Variants in PUDP observed in about 807,000 individuals in gnomAD.
The protein encoded by PUDP is pseudouridine-5'-phosphatase.
PUDP carries 8 observed loss-of-function variants against 9.4 expected under a neutral mutation model. That is an observed-to-expected ratio of 0.85 (90% CI 0.50 to 1.53). The LOEUF (loss-of-function observed/expected upper bound fraction) is 1.53. Among genes scored for constraint, PUDP ranks in the 40% most tolerant of loss-of-function variants. PUDP has a pLI of 0.00. For missense variants in PUDP, 188 were observed against 189.7 expected (o/e 0.99, Z 0.05); for synonymous variants, 99 against 80.7 (o/e 1.23, Z -1.22).
chrX:6,958,512 G>A (rs374215716), intron 3 of PUDP, among the ~76,000 whole-genome samples: 1 of 111,404 alleles, frequency 9.0e-6, no homozygotes, highest in East Asian at 2.8e-4. Flanking sequence ...GGGGAGGAAA[G>A]TCTTTGAAGA....
At chrX:7,083,734 C>T (rs1004381371) in intron 2 of PUDP, among the ~76,000 whole-genome samples, 5 of 110,304 alleles carry the variant, frequency 4.5e-5, no homozygotes, top group African/African-American at 1.7e-4. Context: ...AATCCCATCT[C>T]TACTAAAAAC....
At chrX:6,720,121 CAT>C (rs752455856) in intron 1 of PUDP, among the ~76,000 whole-genome samples, 16 of 98,877 alleles carry the variant, frequency 1.6e-4, no homozygotes, top group South Asian at 4.6e-4. Context: ...TACATTTATT[CAT>C]ATATATATAT....
chrX:6,888,794 G>A (rs752041908), intron 3 of PUDP, among the ~76,000 whole-genome samples: 1 of 112,136 alleles, frequency 8.9e-6, no homozygotes, highest in South Asian at 3.8e-4. Flanking sequence ...CATGGCAGAG[G>A]ACAGAAACCT....
chrX:6,728,976 C>T (rs1924776864), intron 3 of PUDP, among the ~76,000 whole-genome samples: 1 of 110,795 alleles, frequency 9.0e-6, no homozygotes, highest in African/African-American at 3.3e-5. Flanking sequence ...TTTAGAATGC[C>T]CTGCAATTTG....
chrX:7,125,150 T>A (rs889521369), intron 1 of PUDP, among the ~76,000 whole-genome samples: 1 of 111,477 alleles, frequency 9.0e-6, no homozygotes, highest in African/African-American at 3.3e-5. Context: ...GTTCACCAGT[T>A]TACTAAAAAA....
At chrX:6,714,176 G>A (rs1176282400) in intron 1 of PUDP, among the ~76,000 whole-genome samples, 2 of 111,836 alleles carry the variant, frequency 1.8e-5, no homozygotes, top group Non-Finnish European at 3.8e-5. Flanking sequence ...ACAGGTGTGA[G>A]CCATCATACC....
chrX:6,754,266 T>C (rs1015716361), intron 3 of PUDP, among the ~76,000 whole-genome samples: 32 of 111,188 alleles, frequency 2.9e-4, no homozygotes, highest in African/African-American at 9.8e-4. Flanking sequence ...AAAAGGCTTT[T>C]CCCCAACTTC....
intron 3 of PUDP, among the ~76,000 whole-genome samples, chrX:6,774,216 AGAGCTGTAACACAGCTG>A (rs772087853): frequency 8.9e-5 from 10 of 112,192 alleles, no homozygotes; most frequent in Non-Finnish European, 1.3e-4. Flanking sequence ...GAAAAGTCAC[AGAGCTGTAACACAGCTG>A]GAGCTGTAAC....
intron 3 of PUDP, among the ~76,000 whole-genome samples, chrX:6,815,056 C>T (rs1035837996): frequency 4.5e-5 from 5 of 110,573 alleles, no homozygotes; most frequent in South Asian, 3.9e-4. Flanking sequence ...GACAACACGA[C>T]GGCTTCATGT....
chrX:6,948,910 G>A (rs888482740), intron 3 of PUDP, among the ~76,000 whole-genome samples: 1 of 111,839 alleles, frequency 8.9e-6, no homozygotes, highest in Non-Finnish European at 1.9e-5. Flanking sequence ...CATGCTCAGC[G>A]AGGAGGCAGA....
intron 3 of PUDP, among the ~76,000 whole-genome samples, chrX:6,817,889 T>C (rs1381239205): frequency 9.0e-6 from 1 of 111,695 alleles, no homozygotes; most frequent in Non-Finnish European, 1.9e-5. Context: ...CCCAAGTCCC[T>C]GTTTTTTTGT....
At chrX:6,821,672 G>T (rs897596431) in intron 3 of PUDP, among the ~76,000 whole-genome samples, 1 of 111,886 alleles carries the variant, frequency 8.9e-6, no homozygotes, top group African/African-American at 3.3e-5. Flanking sequence ...ATAAAAAGCA[G>T]CCCCACATAA....
intron 3 of PUDP, among the ~76,000 whole-genome samples, chrX:6,970,357 G>T (rs1928854198): frequency 8.9e-6 from 1 of 111,780 alleles, no homozygotes; most frequent in Non-Finnish European, 1.9e-5. Context: ...TCTGCAAAGG[G>T]CCTTTTAAAT....
At chrX:7,081,961 A>G (rs780362339) in intron 2 of PUDP, among the ~76,000 whole-genome samples, 3 of 112,866 alleles carry the variant, frequency 2.7e-5, no homozygotes, top group African/African-American at 9.6e-5. Flanking sequence ...TTCATCTTTT[A>G]AAGAGTGCAC....
chrX:7,099,819 T>C (rs1254827120), intron 2 of PUDP, among the ~76,000 whole-genome samples: 1 of 112,346 alleles, frequency 8.9e-6, no homozygotes, highest in East Asian at 2.8e-4. Context: ...AGGGGGCTGA[T>C]TCCTTGGTGA....
intron 3 of PUDP, among the ~76,000 whole-genome samples, chrX:6,823,882 G>C (rs1926383768): frequency 8.9e-6 from 1 of 112,443 alleles, no homozygotes; most frequent in Non-Finnish European, 1.9e-5. Flanking sequence ...GGCACTGATG[G>C]GAGTGCGTTT....
chrX:6,833,304 G>A (rs1436394502), intron 3 of PUDP, among the ~76,000 whole-genome samples: 1 of 111,311 alleles, frequency 9.0e-6, no homozygotes, highest in Non-Finnish European at 1.9e-5. Context: ...GGATGGGATG[G>A]ACGGATGGAC....
chrX:6,795,800 T>C (rs11095215), intron 3 of PUDP, among the ~76,000 whole-genome samples: 45,804 of 110,276 alleles, frequency 0.42, 8,501 homozygotes, highest in African/African-American at 0.71. Flanking sequence ...ATCTACTCTA[T>C]TGGACTCTTT....
chrX:6,895,331 C>T (rs1225947076), intron 3 of PUDP, among the ~76,000 whole-genome samples: 1 of 105,264 alleles, frequency 9.5e-6, no homozygotes, highest in East Asian at 2.9e-4. Flanking sequence ...ATTATATATA[C>T]TATTATATAT....
Sources: allele counts gnomAD v4.1 joint callset (sites outside exome capture counted in the v4.1 genomes callset), GRCh38; gene constraint gnomAD v4.1.1; transcripts MANE v1.5; gene names NCBI Gene and HGNC (gene_info 2026-07-23, HGNC 2026-07-21).